The following NAA11 variants were observed in gnomAD, a reference collection of about 807,000 sequenced individuals.
NAA11 encodes N-alpha-acetyltransferase 11, NatA catalytic subunit.
In NAA11, 15 loss-of-function variants were observed where a neutral mutation model predicts 16.1. The ratio of observed to expected loss-of-function variants is 0.93; its 90% CI spans 0.62 to 1.44. The LOEUF is 1.44. Ranked by LOEUF, NAA11 falls within the 40% of genes most tolerant of loss-of-function variation. The pLI, the probability that NAA11 is intolerant of heterozygous loss-of-function variation, is 0.00. For missense variants in NAA11, 298 were observed against 291.3 expected, an observed-to-expected ratio of 1.02 and a Z score of -0.17; for synonymous variants, 122 against 112.4, an observed-to-expected ratio of 1.09 and a Z score of -0.54.
intron 2 of NAA11, among the ~76,000 whole-genome samples, chr4:79,240,069 T>C (rs1721657338): frequency 6.6e-6 from 1 of 152,206 alleles, no homozygotes; most frequent in South Asian, 2.1e-4. Flanking sequence ...AGGGGGAAGG[T>C]ATTTGTCTCT....
intron 2 of NAA11, among the ~76,000 whole-genome samples, chr4:79,256,651 A>ATATATATATATATAT (rs1722113513): frequency 7.6e-6 from 1 of 130,766 alleles, no homozygotes; most frequent in African/African-American, 3.1e-5. Context: ...TATAAATATA[A>ATATATATATATATAT]ATATATATAT....
At chr4:79,294,550 T>C (rs1445316009) in intron 1 of NAA11, among the ~76,000 whole-genome samples, 6 of 152,234 alleles carry the variant, frequency 3.9e-5, no homozygotes, top group Admixed American at 2.0e-4. Flanking sequence ...AATCATTGTT[T>C]ATTAAAATCA....
At chr4:79,186,897 A>G in the NAA11 span, among the ~76,000 whole-genome samples, 1 of 152,190 alleles carries the variant, frequency 6.6e-6, no homozygotes, top group Non-Finnish European at 1.5e-5. Flanking sequence ...CACGATGAAC[A>G]CAGTGAGGTT....
At chr4:79,222,071 C>T (rs890009674), downstream of NAA11, among the ~76,000 whole-genome samples, 1 of 150,548 alleles carries the variant, frequency 6.6e-6, no homozygotes, top group African/African-American at 2.4e-5. Context: ...TTGGTCTATT[C>T]AGAGATTCAA....
At chr4:79,230,870 C>T (rs1401182411) in intron 2 of NAA11, among the ~76,000 whole-genome samples, 1 of 151,998 alleles carries the variant, frequency 6.6e-6, no homozygotes, top group Non-Finnish European at 1.5e-5. Flanking sequence ...GTTCTACTCT[C>T]CCATTGGAAT....
the NAA11 span, among the ~76,000 whole-genome samples, chr4:79,181,109 T>G: frequency 0.065 from 9,845 of 151,728 alleles, 412 homozygotes; most frequent in Middle Eastern, 0.12. Context: ...GGGATACCAT[T>G]AGGAGGTATA....
the NAA11 span, among the ~76,000 whole-genome samples, chr4:79,168,864 C>T: frequency 9.9e-4 from 151 of 152,126 alleles, no homozygotes; most frequent in African/African-American, 3.4e-3. Context: ...TGCAGAAGCT[C>T]TTTAGTTAAA....
chr4:79,288,896 G>A (rs1403111594), intron 2 of NAA11, among the ~76,000 whole-genome samples: 1 of 152,034 alleles, frequency 6.6e-6, no homozygotes, highest in Non-Finnish European at 1.5e-5. Flanking sequence ...ACAGGATGCT[G>A]TAATATTGTC....
chr4:79,321,828 T>A (rs1309361330), intron 1 of NAA11, among the ~76,000 whole-genome samples: 1 of 152,234 alleles, frequency 6.6e-6, no homozygotes, highest in Non-Finnish European at 1.5e-5. Context: ...AAAGTATTTT[T>A]AAAATAGTTT....
chr4:79,200,913 A>G, the NAA11 span, among the ~76,000 whole-genome samples: 2 of 151,682 alleles, frequency 1.3e-5, 1 homozygote, highest in South Asian at 4.1e-4. Flanking sequence ...TCCCAATTGA[A>G]AAATACATGA....
At chr4:79,159,827 TTTCAC>T in the NAA11 span, among the ~76,000 whole-genome samples, 9 of 152,170 alleles carry the variant, frequency 5.9e-5, no homozygotes, top group African/African-American at 1.9e-4. Flanking sequence ...GACTGACTCT[TTTCAC>T]TTAATATAAT....
chr4:79,292,837 T>C (rs1380726948), intron 2 of NAA11, among the ~76,000 whole-genome samples: 1 of 152,244 alleles, frequency 6.6e-6, no homozygotes, highest in Non-Finnish European at 1.5e-5. Flanking sequence ...TGTTGCTATA[T>C]TCAGGTTTTG....
intron 1 of NAA11, chr4:79,299,151 A>T (rs1156351452): frequency 6.6e-6 from 1 of 152,210 alleles, no homozygotes; most frequent in Non-Finnish European, 1.5e-5. Flanking sequence ...ATTTTGAGAA[A>T]ATTTGCTATC....
chr4:79,193,027 T>C, the NAA11 span, among the ~76,000 whole-genome samples: 3 of 152,140 alleles, frequency 2.0e-5, no homozygotes, highest in Admixed American at 6.5e-5. Context: ...AAATGTCTTC[T>C]TTTGAGAAGT....
the NAA11 span, among the ~76,000 whole-genome samples, chr4:79,172,077 G>GA: frequency 1.3e-5 from 2 of 152,156 alleles, no homozygotes; most frequent in South Asian, 4.2e-4. Context: ...AAATTGACAG[G>GA]AAAAGGTATG....
the NAA11 span, among the ~76,000 whole-genome samples, chr4:79,171,497 G>C: frequency 1.3e-5 from 2 of 152,092 alleles, no homozygotes; most frequent in Non-Finnish European, 2.9e-5. Context: ...TTCTGCTATA[G>C]CAGCATAAAA....
intron 2 of NAA11, among the ~76,000 whole-genome samples, chr4:79,271,373 T>G: frequency 6.7e-6 from 1 of 149,682 alleles, no homozygotes; most frequent in Non-Finnish European, 1.5e-5. Context: ...CTCAAGGAAA[T>G]AAAAGAGGAT....
the NAA11 span, among the ~76,000 whole-genome samples, chr4:79,188,354 G>C: frequency 6.6e-6 from 1 of 152,254 alleles, no homozygotes; most frequent in Non-Finnish European, 1.5e-5. Context: ...GGGAGGCCGA[G>C]GCGGGTGGAT....
At chr4:79,319,362 C>A (rs1361659542) in intron 1 of NAA11, among the ~76,000 whole-genome samples, 1 of 151,952 alleles carries the variant, frequency 6.6e-6, no homozygotes, top group Non-Finnish European at 1.5e-5. Flanking sequence ...AATACTATGG[C>A]TTTACTTTAA....
Sources: gnomAD v4.1 joint callset for allele counts (sites outside exome capture counted in the v4.1 genomes callset) on GRCh38, gnomAD v4.1.1 for gene constraint, MANE v1.5 for transcripts, NCBI Gene and HGNC (gene_info 2026-07-23, HGNC 2026-07-21) for gene names.